Variants in TMEM91 observed in about 807,000 individuals in gnomAD.
The protein encoded by TMEM91 is transmembrane protein 91.
Under a neutral mutation model 13.3 loss-of-function variants are expected in TMEM91, and 6 were observed. That is an observed-to-expected ratio of 0.45 (90% CI 0.25 to 0.89). The LOEUF (loss-of-function observed/expected upper bound fraction) is 0.89, where lower values mean the gene tolerates loss of function less well. TMEM91 is among the 40% of genes least tolerant of loss of function. TMEM91 has a pLI of 0.19. For synonymous variants in TMEM91, 87 were observed against 101.7 expected, an observed-to-expected ratio of 0.86 and a Z score of 0.87; for missense variants, 193 against 228.7, an observed-to-expected ratio of 0.84 and a Z score of 1.01.
At chr19:41,364,461 A>T (rs1359055137) in intron 1 of TMEM91, among the ~76,000 whole-genome samples, 2 of 151,722 alleles carry the variant, frequency 1.3e-5, no homozygotes, top group East Asian at 3.9e-4. Flanking sequence ...GTGGTCCGGG[A>T]TCACAAATCA....
At chr19:41,378,709 C>T (rs958286645) in intron 2 of TMEM91, among the ~76,000 whole-genome samples, 190 bp downstream of exon 2, 1 of 152,114 alleles carries the variant, frequency 6.6e-6, no homozygotes, top group Admixed American at 6.6e-5. Context: ...TCTTTGTTGC[C>T]TGGCTTTTGG....
At position 41,379,634 on chromosome 19, in the gene TMEM91, G is replaced by T. The variant is rs2038827000; in HGVS notation, c.210+1115G>T. Among the ~76,000 whole-genome samples the T allele has an allele frequency of 2.0e-5, 3 of 149,730 alleles. No homozygotes were observed. In the Admixed American group the frequency reaches 2.0e-4, roughly 10 times the overall value. ...GAGAGAGAAAGAGAGAAAGAAGGAA[G>T]GAAGAAAGAAGGAATGAAGGAAACA... On this transcript the variant is annotated intron_variant, in intron 2 of 3. Transcript: ENST00000392002.
intron 1 of TMEM91, among the ~76,000 whole-genome samples, chr19:41,368,892 A>G (rs769956033): frequency 2.0e-5 from 3 of 151,738 alleles, no homozygotes; most frequent in Non-Finnish European, 4.4e-5. Flanking sequence ...AGGCGGGCAG[A>G]TTGCTTGAAT....
upstream of TMEM91, among the ~76,000 whole-genome samples, chr19:41,373,796 A>T (rs2038661660): frequency 6.7e-6 from 1 of 150,148 alleles, no homozygotes; most frequent in Non-Finnish European, 1.5e-5. Flanking sequence ...AGGTGGGAGA[A>T]TGGCTTGAAC....
intron 1 of TMEM91, among the ~76,000 whole-genome samples, chr19:41,366,014 G>C (rs2038519765): frequency 6.7e-6 from 1 of 148,778 alleles, no homozygotes; most frequent in African/African-American, 2.5e-5. Context: ...CCTGGGCCCA[G>C]CTACTTTTTG....
Position 41,369,195 on chromosome 19 carries a change from G to A in TMEM91, c.-30+5100G>A, listed in dbSNP as rs778712202. ...TCATTTTTGTTGTTGTTGTTGTTTT[G>A]AGACAGAGTTTCACTCTTGTTGCCC... On this transcript the variant is annotated intron_variant, in intron 1 of 3. Transcript: ENST00000413014. 5.9e-4 allele frequency among the ~76,000 whole-genome samples: 89 copies of A among 151,998 alleles called. 1 individual carries two copies. Among genetic ancestry groups the A allele is most frequent in the Non-Finnish European group, 1.2e-4 (8 of 68,006 alleles).
intron 2 of TMEM91, 104 bp from the exon 3 acceptor site, chr19:41,382,668 G>A: frequency 7.0e-7 from 1 of 1,431,284 alleles, no homozygotes; most frequent in Non-Finnish European, 9.4e-7. Context: ...TATCTCTGGG[G>A]AAGCCCTAGG....
At chr19:41,368,285 C>G (rs1024286930) in intron 1 of TMEM91, among the ~76,000 whole-genome samples, 1 of 151,936 alleles carries the variant, frequency 6.6e-6, no homozygotes, top group African/African-American at 2.4e-5. Flanking sequence ...GGCATGGTGA[C>G]ACATGTCTGC....
chr19:41,368,112 A>G (rs576272612), intron 1 of TMEM91, among the ~76,000 whole-genome samples: 1 of 152,136 alleles, frequency 6.6e-6, no homozygotes, highest in East Asian at 1.9e-4. Flanking sequence ...ATCTAACCAC[A>G]TTATCGAAAG....
In TMEM91 at chr19:41,378,895, G is replaced by A. The variant is rs904918628; in HGVS notation, c.210+376G>A. On this transcript the variant is annotated intron_variant, in intron 2 of 3. Transcript: ENST00000392002. The stretch of plus-strand genomic sequence containing the variant: ...TGCCCAGGCTGGAGTGCAGTGGAGC[G>A]ATCATAGTTTACTGCAACCTTGACC... Among the ~76,000 whole-genome samples the A allele has an allele frequency of 8.6e-5, 13 of 151,816 alleles. No individual in the cohort carries two copies. The East Asian group carries it at 9.7e-4, about 11-fold the overall frequency.
At chr19:41,374,852 G>A (rs947619101), upstream of TMEM91, among the ~76,000 whole-genome samples, 3 of 152,076 alleles carry the variant, frequency 2.0e-5, no homozygotes, top group Admixed American at 1.3e-4. Context: ...GTGTGATGGC[G>A]CATTCCTGTA....
intron 1 of TMEM91, among the ~76,000 whole-genome samples, chr19:41,368,821 A>G (rs1306088380): frequency 6.6e-6 from 1 of 150,526 alleles, no homozygotes; most frequent in Non-Finnish European, 1.5e-5. Flanking sequence ...GCTTCTAACC[A>G]ATAGAATATG....
intron 1 of TMEM91, among the ~76,000 whole-genome samples, chr19:41,377,863 A>G (rs1166961763): frequency 6.6e-6 from 1 of 151,576 alleles, no homozygotes; most frequent in African/African-American, 2.4e-5. Context: ...ATACAAAAAA[A>G]AAAATTAGCC....
At chr19:41,365,698 A>C (rs1479746243) in intron 1 of TMEM91, among the ~76,000 whole-genome samples, 16 of 103,026 alleles carry the variant, frequency 1.6e-4, no homozygotes, top group South Asian at 6.7e-4. Flanking sequence ...AGCCACCGTG[A>C]CCGGCCGGGT....
chr19:41,375,903 C>G (rs1343230741), upstream of TMEM91, among the ~76,000 whole-genome samples: 1 of 152,012 alleles, frequency 6.6e-6, no homozygotes, highest in Non-Finnish European at 1.5e-5. Flanking sequence ...GGGCAGATCA[C>G]CTGAGGTCAG....
intron 1 of TMEM91, among the ~76,000 whole-genome samples, chr19:41,368,646 G>GT (rs1243916331): frequency 1.3e-5 from 2 of 151,918 alleles, no homozygotes; most frequent in African/African-American, 4.8e-5. Flanking sequence ...CTGACCTCAA[G>GT]TGATCCACCT....
intron 1 of TMEM91, chr19:41,364,237 CTG>C (rs1334011475): frequency 6.5e-6 from 1 of 153,334 alleles, no homozygotes; most frequent in East Asian, 1.9e-4. Context: ...CGGGGTGAAG[CTG>C]TGATGGACAT....
rs577395989 is a variant in TMEM91, at chr19:41,364,557, TCA to T, written c.-30+464_-30+465del. 8.5e-3 allele frequency among the ~76,000 whole-genome samples: 1,285 copies of T among 151,860 alleles called. 15 individuals carry two copies. Among genetic ancestry groups the T allele is most frequent in the African/African-American group, 0.03 (1,222 of 41,384 alleles). On this transcript the variant is annotated intron_variant, in intron 1 of 3. Coordinates refer to the TMEM91 transcript ENST00000413014. Reference sequence around the variant, plus strand: ...GTAACTGGAAAACAAAGCAAAAAAATCACTCCTCATTCAGAGAGTGGAGAAGT... The same window carrying T: ...GTAACTGGAAAACAAAGCAAAAAAATCTCCTCATTCAGAGAGTGGAGAAGT...
At chr19:41,382,492 G>A (rs909097324) in intron 2 of TMEM91, among the ~76,000 whole-genome samples, 9 of 152,252 alleles carry the variant, frequency 5.9e-5, no homozygotes, top group Middle Eastern at 3.4e-3. Flanking sequence ...GTGTGATGGC[G>A]TGTGCCTGTA....
Sources: gnomAD v4.1 joint callset for allele counts (sites outside exome capture counted in the v4.1 genomes callset) on GRCh38, gnomAD v4.1.1 for gene constraint, MANE v1.5 for transcripts, NCBI Gene and HGNC (gene_info 2026-07-23, HGNC 2026-07-21) for gene names.